ANKS1B: variants seen among roughly 807,000 people sequenced by gnomAD.
ANKS1B encodes ankyrin repeat and sterile alpha motif domain-containing protein 1B.
A neutral mutation model predicts 148.3 loss-of-function variants in ANKS1B; 36 were observed. The observed-to-expected ratio is 0.24, with a 90% CI of 0.19 to 0.32. ANKS1B has a LOEUF of 0.32. ANKS1B is among the 10% of genes least tolerant of loss of function. The probability of loss-of-function intolerance (pLI) is 1.00; values close to 1 mark genes in which losing one functional copy is unlikely to be tolerated. For missense variants in ANKS1B, 1,157 were observed against 1,542.6 expected, an observed-to-expected ratio of 0.75 and a Z score of 4.19; for synonymous variants, 542 against 560.8, an observed-to-expected ratio of 0.97 and a Z score of 0.47.
chr12:99,531,196 A>G (rs1447469261), intron 9 of ANKS1B, among the ~76,000 whole-genome samples: 1 of 152,246 alleles, frequency 6.6e-6, no homozygotes, highest in African/African-American at 2.4e-5. Flanking sequence ...TTAAATCAGT[A>G]TCTCATGACA....
intron 1 of ANKS1B, among the ~76,000 whole-genome samples, chr12:99,946,438 A>G (rs528705656): frequency 1.3e-5 from 2 of 152,282 alleles, no homozygotes; most frequent in African/African-American, 4.8e-5. Flanking sequence ...GTGTCCTCAC[A>G]TGACAAAGAG....
At chr12:98,887,306 G>C (rs1395584145) in intron 17 of ANKS1B, among the ~76,000 whole-genome samples, 5 of 152,018 alleles carry the variant, frequency 3.3e-5, no homozygotes, top group African/African-American at 1.2e-4. Flanking sequence ...TAAGTTCCAA[G>C]GTTTTTTATC....
intron 9 of ANKS1B, among the ~76,000 whole-genome samples, chr12:99,591,763 C>G (rs1476581965): frequency 2.6e-5 from 4 of 152,122 alleles, no homozygotes; most frequent in Non-Finnish European, 4.4e-5. Context: ...GATAGGGGCT[C>G]TCTTCGAGAA....
chr12:98,999,753 C>T (rs576073978), intron 17 of ANKS1B, among the ~76,000 whole-genome samples: 51 of 152,274 alleles, frequency 3.3e-4, no homozygotes, highest in Non-Finnish European at 6.0e-4. Context: ...GCTTTCCAGC[C>T]GGCACCGCGT....
intron 8 of ANKS1B, among the ~76,000 whole-genome samples, chr12:99,772,496 C>T (rs1473660830): frequency 2.0e-5 from 3 of 152,058 alleles, no homozygotes; most frequent in Non-Finnish European, 4.4e-5. Flanking sequence ...CATTTCTCTC[C>T]TACTATGACT....
At position 98,744,027 on chromosome 12, in the gene ANKS1B, A is replaced by T. The variant is rs918359207; in HGVS notation, c.*1712T>A. 1.5e-5 allele frequency: 15 copies of T among 983,722 alleles called. No individual in the cohort carries two copies. Among genetic ancestry groups the T allele is most frequent in the Non-Finnish European group, 1.8e-5 (15 of 828,424 alleles). 60.9% of individuals were successfully genotyped at this position (983,722 alleles called of 1,614,324 possible). A position where few individuals can be genotyped will look rare whatever the true frequency, so the allele number is the denominator to read the frequency against. On this transcript the variant is annotated 3_prime_UTR_variant, in exon 27 of 27. Transcript: ENST00000683438. The stretch of plus-strand genomic sequence containing the variant: ...GTGCTTTTTTTATAGGATATAAATA[A>T]TGACAAAAATTACAAAATTTATAAC...
chr12:98,753,056 G>A (rs1377782944), intron 25 of ANKS1B, among the ~76,000 whole-genome samples: 1 of 152,102 alleles, frequency 6.6e-6, no homozygotes, highest in African/African-American at 2.4e-5. Flanking sequence ...TCTCCCTGTG[G>A]GTCCACTCTA....
chr12:99,123,055 CA>C (rs2063358872), intron 15 of ANKS1B, among the ~76,000 whole-genome samples: 1 of 134,466 alleles, frequency 7.4e-6, no homozygotes, highest in Admixed American at 7.4e-5. Context: ...AACAAAAAAC[CA>C]ACAAAAAAAC....
At chr12:99,306,797 T>C (rs149842696) in intron 12 of ANKS1B, among the ~76,000 whole-genome samples, 1 of 152,268 alleles carries the variant, frequency 6.6e-6, no homozygotes, top group East Asian at 1.9e-4. Context: ...CTAGTGTTCA[T>C]TTTCACATAT....
intron 9 of ANKS1B, among the ~76,000 whole-genome samples, chr12:99,617,620 A>G (rs576567807): frequency 1.3e-5 from 2 of 152,160 alleles, no homozygotes; most frequent in South Asian, 4.2e-4. Context: ...GGGGAACATC[A>G]CACACTGGGG....
At chr12:99,102,088 T>TGAGGAAAA (rs1373547884) in intron 15 of ANKS1B, among the ~76,000 whole-genome samples, 1 of 151,960 alleles carries the variant, frequency 6.6e-6, no homozygotes, top group East Asian at 1.9e-4. Context: ...ATGAAGTTAA[T>TGAGGAAAA]GAGGAAAAGA....
chr12:99,768,348 G>A (rs1029322186), intron 8 of ANKS1B, among the ~76,000 whole-genome samples: 8 of 152,062 alleles, frequency 5.3e-5, no homozygotes, highest in Non-Finnish European at 8.8e-5. Flanking sequence ...TGAGGACTGT[G>A]GTTTGACTGC....
intron 2 of ANKS1B, among the ~76,000 whole-genome samples, chr12:99,823,841 G>A (rs1305212810): frequency 6.6e-6 from 1 of 152,150 alleles, no homozygotes; most frequent in African/African-American, 2.4e-5. Context: ...TTATTGAAGA[G>A]GGAGTCCTTT....
chr12:99,694,220 T>C (rs1172197192), intron 8 of ANKS1B, among the ~76,000 whole-genome samples: 1 of 150,520 alleles, frequency 6.6e-6, no homozygotes, highest in Non-Finnish European at 1.5e-5. Context: ...CAGATCACTG[T>C]GTGTGGTCAG....
rs754269238 is a variant in ANKS1B at position 99,246,288 on chromosome 12, G to A, written c.2333C>T (p.Ser778Leu). 6.3e-6 allele frequency: 10 copies of A among 1,584,974 alleles called. No individual in the cohort carries two copies. Among genetic ancestry groups the A allele is most frequent in the African/African-American group, 2.7e-5 (2 of 74,056 alleles). ...GNSERTPSFT[S>L]EWEEIDKIMS... Reference sequence around the variant, plus strand: ...AACAAAGCTTACTTCTTCCCATTCCGATGTGAAGGATGGTGTTCTTTCAGA... The same window carrying A: ...AACAAAGCTTACTTCTTCCCATTCCAATGTGAAGGATGGTGTTCTTTCAGA... Residue 778 changes from serine (S) to leucine (L), a missense_variant, in exon 13 of 27, where the codon TCG becomes TTG. Transcript: ENST00000683438.
At chr12:98,837,349 AAAAG>A (rs1451712194) in intron 17 of ANKS1B, among the ~76,000 whole-genome samples, 7 of 151,822 alleles carry the variant, frequency 4.6e-5, no homozygotes, top group African/African-American at 1.7e-4. Flanking sequence ...AAAAAAAAAA[AAAAG>A]AAAAAGAAAA....
chr12:99,747,939 A>G (rs1248657431), intron 8 of ANKS1B, among the ~76,000 whole-genome samples: 3 of 151,858 alleles, frequency 2.0e-5, no homozygotes, highest in Non-Finnish European at 4.4e-5. Flanking sequence ...GAGAAGAAGA[A>G]TAATGTATGA....
intron 12 of ANKS1B, among the ~76,000 whole-genome samples, chr12:99,267,254 A>G (rs750764466): frequency 6.6e-6 from 1 of 152,124 alleles, no homozygotes; most frequent in Admixed American, 6.6e-5. Flanking sequence ...TTTCCATACA[A>G]TGCACCTTTC....
At chr12:99,433,308 G>A (rs1489865803) in intron 11 of ANKS1B, among the ~76,000 whole-genome samples, 1 of 152,034 alleles carries the variant, frequency 6.6e-6, no homozygotes, top group East Asian at 1.9e-4. Flanking sequence ...TAATACACAA[G>A]TGCGCATTCC....
Sources: gnomAD v4.1 joint callset for allele counts (sites outside exome capture counted in the v4.1 genomes callset) on GRCh38, gnomAD v4.1.1 for gene constraint, MANE v1.5 for transcripts, NCBI Gene and HGNC (gene_info 2026-07-23, HGNC 2026-07-21) for gene names.